Variants in NFKB2 observed in about 807,000 individuals in gnomAD.
NFKB2 encodes the protein nuclear factor kappa B subunit 2.
A neutral mutation model predicts 109.3 loss-of-function variants in NFKB2; 21 were observed. The ratio of observed to expected loss-of-function variants is 0.19; its 90% CI spans 0.14 to 0.28. The LOEUF is 0.28. NFKB2 is among the 10% of genes least tolerant of loss of function. The probability of loss-of-function intolerance (pLI) is 1.00; values close to 1 mark genes in which losing one functional copy is unlikely to be tolerated. For missense variants in NFKB2, 806 were observed against 1,185.3 expected (o/e 0.68, Z 4.70); for synonymous variants, 478 against 489.9 (o/e 0.98, Z 0.32).
At position 102,401,316 on chromosome 10, in the gene NFKB2, C is replaced by A; in HGVS notation, c.2208C>A (p.Leu736=). 6.2e-7 allele frequency: 1 copy of A among 1,606,852 alleles called. No homozygotes were observed. The highest frequency in any genetic ancestry group is 1.1e-5 in the South Asian group (1 of 90,218). Residue 736 remains leucine, a synonymous_variant, in exon 19 of 23, where the codon CTC becomes CTA. Coordinates refer to ENST00000661543, the MANE Select transcript of NFKB2 (RefSeq NM_001322934.2). The surrounding 1 kb of genome is among the most constrained non-coding windows in gnomAD (Gnocchi z 4.2). ...SSFRGHTPLD[L]TCSTKVKTLL... is the part of the protein sequence containing the mutation. Reference sequence around the variant, plus strand: ...TCCGGGGCCACACGCCTCTTGACCTCACTTGCAGCACCAAGGTGAGGCCAG... The same window carrying A: ...TCCGGGGCCACACGCCTCTTGACCTAACTTGCAGCACCAAGGTGAGGCCAG...
chr10:102,402,203 G>A (rs557251415), intron 22 of NFKB2, 44 bp downstream of exon 22: 37 of 1,552,720 alleles, frequency 2.4e-5, no homozygotes, highest in Admixed American at 5.9e-5. Context: ...CTGGAGGGCC[G>A]GAGGCCTGAG....
At position 102,400,110 on chromosome 10, in the gene NFKB2, G is replaced by A; in HGVS notation, c.1500G>A (p.Gln500=). 6.2e-7 allele frequency: 1 copy of A among 1,614,108 alleles called. No homozygotes were observed. The highest frequency in any genetic ancestry group is 1.1e-5 in the South Asian group (1 of 91,076). Residue 500 remains glutamine, a synonymous_variant, in exon 15 of 23, where the codon CAG becomes CAA. Transcript: ENST00000661543. This position sits in a 1 kb window ranked among gnomAD's most constrained non-coding sequence, Gnocchi z 6.3. The part of the protein sequence containing the change: ...TPLHLAIIHG[Q]TSVIEQIVYV... ...TGCACCTAGCCATCATCCACGGGCA[G>A]ACCAGTGTCATTGAGCAGATAGTCT...
At position 102,401,118 on chromosome 10, in the gene NFKB2, G is replaced by C. The variant is rs11574850; in HGVS notation, c.2072-62G>C. 1.9e-3 allele frequency: 3,109 copies of C among 1,610,152 alleles called. 51 individuals carry two copies. In the African/African-American group the frequency reaches 0.037, roughly 19 times the overall value. On this transcript the variant is annotated intron_variant, in intron 18 of 22. Coordinates refer to ENST00000661543, the MANE Select transcript of NFKB2 (RefSeq NM_001322934.2). The surrounding 1 kb of genome is among the most constrained non-coding windows in gnomAD (Gnocchi z 4.2). Reference sequence around the variant, plus strand: ...GGAGAGAGGTGCCTCCCAGTCCCCCGACTTTGCAGTCCTTAATGTAGGCCC... The same window carrying C: ...GGAGAGAGGTGCCTCCCAGTCCCCCCACTTTGCAGTCCTTAATGTAGGCCC...
chr10:102,397,193 T>G lies in NFKB2; in HGVS notation c.396-109T>G, dbSNP rs1166139364. 1.3e-6 allele frequency: 2 copies of G among 1,528,034 alleles called. No homozygotes were observed. The highest frequency in any genetic ancestry group is 1.8e-6 in the Non-Finnish European group (2 of 1,117,152). 94.7% of individuals were successfully genotyped at this position (1,528,034 alleles called of 1,614,324 possible). On this transcript the variant is annotated intron_variant, in intron 6 of 22. Coordinates refer to ENST00000661543, the MANE Select transcript of NFKB2 (RefSeq NM_001322934.2). This position sits in a 1 kb window ranked among gnomAD's most constrained non-coding sequence, Gnocchi z 4.7. ...CAAACCCAAGGGCCTAAGTAGAAAC[T>G]CCAATGGCTTCCTTGAGGAAGTAAG...
In NFKB2 at chr10:102,401,654, G is replaced by A. The variant is rs2061253985; in HGVS notation, c.2294-91G>A. ...ATCACCCCTCATGGTCCTGTCTGTC[G>A]CTTACCTTGGGAGAAAGGCAGTGTT... On this transcript the variant is annotated intron_variant, in intron 20 of 22. Transcript: ENST00000661543. The surrounding 1 kb of genome is among the most constrained non-coding windows in gnomAD (Gnocchi z 4.2). 11 of 1,531,434 alleles carry A rather than the reference G, an allele frequency of 7.2e-6. No homozygotes were observed. The highest frequency in any genetic ancestry group is 4.5e-5 in the East Asian group (2 of 44,082). The allele number at this position is 1,531,434 out of a possible 1,614,324, so 94.9% of individuals were successfully genotyped here.
rs1487745248 is a variant in NFKB2 at position 102,398,539 on chromosome 10, G to C, written c.991+16G>C. ...CTGGTGGAAGGTGGAGCTGGGCTGA[G>C]GACCTCAGGGTGCTGGCGGGGGGCC... On this transcript the variant is annotated intron_variant, in intron 11 of 22. Transcript: ENST00000661543. This position sits in a 1 kb window ranked among gnomAD's most constrained non-coding sequence, Gnocchi z 6.6. 3.1e-6 allele frequency: 5 copies of C among 1,612,488 alleles called. 1 individual carries two copies. The Admixed American group carries it at 8.3e-5, about 27-fold the overall frequency.
Position 102,398,830 on chromosome 10 carries a change from G to A in NFKB2, c.1083G>A (p.Gly361=), listed in dbSNP as rs1416347321. The change falls in exon 12 of 23, where the codon GGG becomes GGA. Residue 361 remains glycine (G), a synonymous_variant. Transcript: ENST00000661543. This position sits in a 1 kb window ranked among gnomAD's most constrained non-coding sequence, Gnocchi z 6.6. ...GCTCCCACATGGGTGGAGGCTCTGGGGGTGCAGCCGGGGGCTACGGAGGAG... is the reference window on the plus strand; with the variant it reads ...GCTCCCACATGGGTGGAGGCTCTGGAGGTGCAGCCGGGGGCTACGGAGGAG... The part of the protein sequence containing the change: ...GGGSHMGGGS[G]GAAGGYGGAG... 1 of 1,606,226 alleles carries A rather than the reference G, an allele frequency of 6.2e-7. No homozygotes were observed. Among genetic ancestry groups the A allele is most frequent in the South Asian group, 1.1e-5 (1 of 89,874 alleles).
Position 102,402,154 on chromosome 10 carries a change from G to A in NFKB2, c.2573G>A (p.Ser858Asn), listed in dbSNP as rs867668703. Residue 858 changes from serine to asparagine, a missense_variant, in exon 22 of 23, where the codon AGC (serine) becomes AAC (asparagine). Around this residue, in one of 10 missense-constraint regions of NFKB2, gnomAD observed 211 missense variants for 268.7 expected, o/e 0.79. Transcript: ENST00000661543. ...RGPETRDKLP[S>N]TAEVKEDSAY... Reference sequence around the variant, plus strand: ...CCAGAAACCCGAGACAAGCTGCCCAGCACAGGTAAAGGGGCCTCCCTGGAA... The same window carrying A: ...CCAGAAACCCGAGACAAGCTGCCCAACACAGGTAAAGGGGCCTCCCTGGAA... 1 of 1,571,882 alleles carries A rather than the reference G, an allele frequency of 6.4e-7. No individual in the cohort carries two copies. Among genetic ancestry groups the A allele is most frequent in the Non-Finnish European group, 8.6e-7 (1 of 1,158,004 alleles).
chr10:102,401,801 G>A lies in NFKB2; in HGVS notation c.2350G>A (p.Gly784Arg), dbSNP rs367889547. 5.6e-5 allele frequency: 91 copies of A among 1,613,742 alleles called. No homozygotes were observed. The African/African-American group carries it at 6.7e-4, about 12-fold the overall frequency. Residue 784 changes from glycine to arginine, a missense_variant, in exon 21 of 23, where the codon GGG becomes AGG. Gly to Arg is a moderately radical substitution (Grantham distance 125, BLOSUM62 -2). This residue lies in a region of NFKB2 where 211 missense variants were observed against 268.7 expected (regional missense o/e 0.79). Coordinates refer to ENST00000661543, the MANE Select transcript of NFKB2 (RefSeq NM_001322934.2). The surrounding 1 kb of genome is among the most constrained non-coding windows in gnomAD (Gnocchi z 4.2). ...ALQNLEQLLD[G>R]PEAQGSWAEL... ...GCAGAACCTGGAGCAGCTGCTAGAC[G>A]GGCCAGAAGCCCAGGGCAGCTGGGC... is the stretch of plus-strand genomic sequence containing the variant.
rs753773632 is a variant in NFKB2, at chr10:102,401,362, G to A, written c.2223+31G>A. 10 of 1,609,880 alleles carry A rather than the reference G, an allele frequency of 6.2e-6. No homozygotes were observed. The South Asian group carries it at 9.9e-5, about 16-fold the overall frequency. On this transcript the variant is annotated intron_variant, in intron 19 of 22. Transcript: ENST00000661543. This position sits in a 1 kb window ranked among gnomAD's most constrained non-coding sequence, Gnocchi z 4.2. ...GCCAGCCCGGGACTAGAAGTGCTCTGAGTGACGGGGTCCAGAGTATCTGGA... is the reference window on the plus strand; with the variant it reads ...GCCAGCCCGGGACTAGAAGTGCTCTAAGTGACGGGGTCCAGAGTATCTGGA...
At position 102,396,361 on chromosome 10, in the gene NFKB2, G is replaced by A; in HGVS notation, c.103+27G>A. Reference sequence around the variant, plus strand: ...TCAGCAAGTTCACTAACCTCCCCTAGTCCTAAAGCGGGGGAGGGAGAGCAT... The same window carrying A: ...TCAGCAAGTTCACTAACCTCCCCTAATCCTAAAGCGGGGGAGGGAGAGCAT... On this transcript the variant is annotated intron_variant, in intron 3 of 22. Coordinates refer to ENST00000661543, the MANE Select transcript of NFKB2 (RefSeq NM_001322934.2). This position sits in a 1 kb window ranked among gnomAD's most constrained non-coding sequence, Gnocchi z 5.9. 6.2e-7 allele frequency: 1 copy of A among 1,613,388 alleles called. No individual in the cohort carries two copies. Among genetic ancestry groups the A allele is most frequent in the Non-Finnish European group, 8.5e-7 (1 of 1,179,320 alleles).
In NFKB2 at chr10:102,402,322, C is replaced by T; in HGVS notation, c.2649C>T (p.Pro883=). The T allele has an allele frequency of 1.3e-6, 2 of 1,569,320 alleles. No individual in the cohort carries two copies. The highest frequency in any genetic ancestry group is 1.2e-5 in the South Asian group (1 of 85,272). Residue 883 remains proline, a synonymous_variant, in exon 23 of 23, where the codon CCC becomes CCT. Transcript: ENST00000661543. The stretch of plus-strand genomic sequence containing the variant: ...AGGAGGCAGAGAAGCTGGGCCCACC[C>T]CCTGAGCCACCAGGAGGGCTCTGCC... ...VEQEAEKLGP[P]PEPPGGLCHG...
rs2061103773 is a variant in NFKB2 at position 102,396,042 on chromosome 10, C to T, written c.21+62C>T. On this transcript the variant is annotated intron_variant, in intron 2 of 22. Transcript: ENST00000661543. The surrounding 1 kb of genome is among the most constrained non-coding windows in gnomAD (Gnocchi z 5.9). ...CCCCTCGTGTCTGTCCACCTGTCTG[C>T]CCGAGCCCCCTCTGCTGCCTTACAC... The T allele has an allele frequency of 6.2e-7, 1 of 1,603,584 alleles. No individual in the cohort carries two copies.
In NFKB2 at chr10:102,400,894, G is replaced by A; in HGVS notation, c.1969-53G>A. ...GGGGCCAAAGATGGTGAAGGGGGGG[G>A]CTGGCCAAGGGGACCATGCTGTGGT... On this transcript the variant is annotated intron_variant, in intron 17 of 22. Transcript: ENST00000661543. This position sits in a 1 kb window ranked among gnomAD's most constrained non-coding sequence, Gnocchi z 6.3. The A allele has an allele frequency of 6.3e-7, 1 of 1,581,842 alleles. No individual in the cohort carries two copies. Among genetic ancestry groups the A allele is most frequent in the Non-Finnish European group, 8.6e-7 (1 of 1,161,550 alleles).
In NFKB2 at chr10:102,400,365, C is replaced by A. The variant is rs749409186; in HGVS notation, c.1672C>A (p.Arg558=). Residue 558 remains arginine, a synonymous_variant, in exon 16 of 23, where the codon CGG becomes AGG. Transcript: ENST00000661543. The surrounding 1 kb of genome is among the most constrained non-coding windows in gnomAD (Gnocchi z 6.3). Reference sequence around the variant, plus strand: ...AGGTGCAGACCCAGCTCTGCTGGATCGGCATGGAGACTCAGCCATGCATCT... The same window carrying A: ...AGGTGCAGACCCAGCTCTGCTGGATAGGCATGGAGACTCAGCCATGCATCT... The part of the protein sequence containing the change: ...RVGADPALLD[R]HGDSAMHLAL... 2 of 1,613,666 alleles carry A rather than the reference C, an allele frequency of 1.2e-6. No homozygotes were observed. The highest frequency in any genetic ancestry group is 1.7e-6 in the Non-Finnish European group (2 of 1,180,012).
rs1452476071 is a variant in NFKB2 at position 102,399,567 on chromosome 10, T to C, written c.1328-10T>C. 7.7e-6 allele frequency: 12 copies of C among 1,549,002 alleles called. No individual in the cohort carries two copies. Among genetic ancestry groups the C allele is most frequent in the South Asian group, 2.4e-5 (2 of 84,042 alleles). On this transcript the variant is annotated splice_polypyrimidine_tract_variant and intron_variant, in intron 13 of 22. Transcript: ENST00000661543. Reference sequence around the variant, plus strand: ...ACCTAGCCCTGACCCACGCCCTCTGTGGCCCGTAGCTCGAGAGTACAACGC... The same window carrying C: ...ACCTAGCCCTGACCCACGCCCTCTGCGGCCCGTAGCTCGAGAGTACAACGC...
In NFKB2 at chr10:102,397,537, G is replaced by T; in HGVS notation, c.513G>T (p.Gln171His). ...SRPQGLTEAE[Q>H]RELEQEAKEL... ...GTACCTACTGCCCAGAGGCCGAGCAGCGGGAGCTGGAGCAAGAGGCCAAAG... is the reference window on the plus strand; with the variant it reads ...GTACCTACTGCCCAGAGGCCGAGCATCGGGAGCTGGAGCAAGAGGCCAAAG... The change falls in exon 8 of 23, where the codon CAG becomes CAT. Residue 171 changes from glutamine (Q) to histidine (H), a missense_variant. Gln to His is a conservative substitution (Grantham distance 24). Coordinates refer to ENST00000661543, the MANE Select transcript of NFKB2 (RefSeq NM_001322934.2). The surrounding 1 kb of genome is among the most constrained non-coding windows in gnomAD (Gnocchi z 4.7). 1 of 1,613,162 alleles carries T rather than the reference G, an allele frequency of 6.2e-7. No individual in the cohort carries two copies. Among genetic ancestry groups the T allele is most frequent in the Non-Finnish European group, 8.5e-7 (1 of 1,179,288 alleles).
At position 102,401,252 on chromosome 10, in the gene NFKB2, C is replaced by G; in HGVS notation, c.2144C>G (p.Ser715Trp). The G allele has an allele frequency of 6.2e-7, 1 of 1,611,936 alleles. No individual in the cohort carries two copies. The highest frequency in any genetic ancestry group is 8.5e-7 in the Non-Finnish European group (1 of 1,178,808). The change falls in exon 19 of 23, where the codon TCG (serine) becomes TGG (tryptophan). Residue 715 changes from serine (S) to tryptophan (W), a missense_variant. This residue lies in a region of NFKB2 where 211 missense variants were observed against 268.7 expected (regional missense o/e 0.79). Transcript: ENST00000661543. The surrounding 1 kb of genome is among the most constrained non-coding windows in gnomAD (Gnocchi z 4.2). ...TCACCCCCTACCTCTGATAGCGACT[C>G]GGACTCTGAAGGGCCTGAGAAGGAC... The part of the protein sequence containing the change: ...LPSPPTSDSD[S>W]DSEGPEKDTR...
rs754458803 is a variant in NFKB2, at chr10:102,397,971, C to A, written c.662-10C>A. On this transcript the variant is annotated splice_polypyrimidine_tract_variant and intron_variant, in intron 8 of 22. Coordinates refer to ENST00000661543, the MANE Select transcript of NFKB2 (RefSeq NM_001322934.2). This position sits in a 1 kb window ranked among gnomAD's most constrained non-coding sequence, Gnocchi z 4.7. ...GCATCATCTCAACTAATCCATATCCCACTCCATAGAATCTCCGGGGGCATC... is the reference window on the plus strand; with the variant it reads ...GCATCATCTCAACTAATCCATATCCAACTCCATAGAATCTCCGGGGGCATC... 5.6e-6 allele frequency: 9 copies of A among 1,613,386 alleles called. No individual in the cohort carries two copies. Among genetic ancestry groups the A allele is most frequent in the Non-Finnish European group, 7.6e-6 (9 of 1,179,438 alleles).
Sources: gnomAD v4.1 joint callset for allele counts on GRCh38, gnomAD v4.1.1 for gene constraint, gnomAD v4.1.1 regional missense constraint, Gnocchi (gnomAD v3.1) non-coding constraint, MANE v1.5 for transcripts, NCBI Gene and HGNC (gene_info 2026-07-23, HGNC 2026-07-21) for gene names.